Variants in DCTN1 observed in about 807,000 individuals in gnomAD.
DCTN1 encodes 150 kDa dynein-associated polypeptide.
In DCTN1, 61 loss-of-function variants were observed where a neutral mutation model predicts 161.2. The ratio of observed to expected loss-of-function variants is 0.38; its 90% CI spans 0.31 to 0.47. The LOEUF is 0.47. DCTN1 is among the 20% of genes least tolerant of loss of function. DCTN1 has a pLI of 0.99. For missense variants in DCTN1, 1,404 were observed against 1,623.7 expected (o/e 0.86, Z 2.33); for synonymous variants, 653 against 632.4 (o/e 1.03, Z -0.49).
rs1674435043 is a variant in DCTN1, at chr2:74,366,639, T to C, written c.2467-19A>G. 1 of 1,612,536 alleles carries C rather than the reference T, an allele frequency of 6.2e-7. No homozygotes were observed. The highest frequency in any genetic ancestry group is 1.3e-5 in the African/African-American group (1 of 74,904). On this transcript the variant is annotated intron_variant, in intron 21 of 31. Coordinates refer to ENST00000628224, the MANE Select transcript of DCTN1 (RefSeq NM_004082.5). ...CAGATACCTGTGTGCCAGGCCAGAG[T>C]CAGGAGTCAACCCTGGGTTCAGCAC...
Position 74,361,542 on chromosome 2 carries a change from G to C in DCTN1, c.3794C>G (p.Thr1265Ser). 6.2e-7 allele frequency: 1 copy of C among 1,614,160 alleles called. No individual in the cohort carries two copies. The highest frequency in any genetic ancestry group is 1.1e-5 in the South Asian group (1 of 91,082). Residue 1265 changes from threonine to serine, a missense_variant, in exon 32 of 32, where the codon ACC becomes AGC. Thr to Ser is a moderately conservative substitution (Grantham distance 58, BLOSUM62 1). This residue lies in a region of DCTN1 where 311 missense variants were observed against 298.9 expected (regional missense o/e 1.04). Coordinates refer to ENST00000628224, the MANE Select transcript of DCTN1 (RefSeq NM_004082.5). ...GFGQRHRLVLTQEQLHQLHSR... is the reference protein window; with the variant it reads ...GFGQRHRLVLSQEQLHQLHSR... ...GTGAAGCTGGTGCAGCTGCTCCTGG[G>C]TCAGCACCAGCCGGTGTCGCTGTCC...
In DCTN1 at chr2:74,367,418, A is replaced by G. The variant is rs1674503013; in HGVS notation, c.2187T>C (p.His729=). The G allele has an allele frequency of 6.2e-7, 1 of 1,614,092 alleles. No homozygotes were observed. Among genetic ancestry groups the G allele is most frequent in the Non-Finnish European group, 8.5e-7 (1 of 1,179,998 alleles). Residue 729 remains histidine (H), a splice_region_variant and synonymous_variant, in exon 19 of 32, where the codon CAT becomes CAC. Transcript: ENST00000628224. ...PLTKAIKYYQ[H]LYSIHLAEQP... is the part of the protein sequence containing the mutation. ...GTTCGGCAAGGTGGATGCTGTACAG[A>G]TGCTGAGGAGAGATAACAGACAGAC...
rs28706943 is a variant in DCTN1 at position 74,365,810 on chromosome 2, T to C, written c.2886+83A>G. 7.4e-3 allele frequency: 11,975 copies of C among 1,613,432 alleles called. 789 individuals carry two copies. The African/African-American group carries it at 0.14, about 19-fold the overall frequency. Reference sequence around the variant, plus strand: ...TCTCCCCTTAACTCCCAAGCCGTCTTGGTCCCGATCCCCAACACTCACTGC... The same window carrying C: ...TCTCCCCTTAACTCCCAAGCCGTCTCGGTCCCGATCCCCAACACTCACTGC... On this transcript the variant is annotated intron_variant, in intron 24 of 31. Transcript: ENST00000628224.
Position 74,368,142 on chromosome 2 carries a change from A to C in DCTN1, c.1855-11T>G, listed in dbSNP as rs1304539953. On this transcript the variant is annotated splice_polypyrimidine_tract_variant and intron_variant, in intron 16 of 31. Transcript: ENST00000628224. ...CCGGATCAGCTCTGCCTGTGGGAAA[A>C]AGCACCAGGAACCTGGGCCTCAGAG... The C allele has an allele frequency of 6.4e-7, 1 of 1,573,242 alleles. No individual in the cohort carries two copies. Among genetic ancestry groups the C allele is most frequent in the Non-Finnish European group, 8.6e-7 (1 of 1,158,696 alleles).
Position 74,363,361 on chromosome 2 carries a change from A to C in DCTN1, c.3278T>G (p.Leu1093Arg), listed in dbSNP as rs1375698021. 2 of 1,612,578 alleles carry C rather than the reference A, an allele frequency of 1.2e-6. No homozygotes were observed. Among genetic ancestry groups the C allele is most frequent in the Admixed American group, 3.3e-5 (2 of 59,866 alleles). The change falls in exon 28 of 32, where the codon CTG (leucine) becomes CGG (arginine). Residue 1093 changes from leucine to arginine, a missense_variant. Around this residue, in one of 9 missense-constraint regions of DCTN1, gnomAD observed 311 missense variants for 298.9 expected, o/e 1.04. Transcript: ENST00000628224. The stretch of plus-strand genomic sequence containing the variant: ...CCTCATGGCAGAGATCTGCTGAAGC[A>C]GCAGTGGTGAGTCCTTCACCAGCCC... ...GPGLVKDSPL[L>R]LQQISAMRLH...
At position 74,369,423 on chromosome 2, in the gene DCTN1, C is replaced by T. The variant is rs758555575; in HGVS notation, c.1461G>A (p.Glu487=). The stretch of plus-strand genomic sequence containing the variant: ...CCCGCGCGCCTGCCATGTCCAGCTG[C>T]TCCCGCAGCTCCAGTTCTGTCTCAC... ...NARETELELR[E]QLDMAGARVR... Residue 487 remains glutamate (E), a synonymous_variant, in exon 14 of 32, where the codon GAG becomes GAA. Coordinates refer to ENST00000628224, the MANE Select transcript of DCTN1 (RefSeq NM_004082.5). This position sits in a 1 kb window ranked among gnomAD's most constrained non-coding sequence, Gnocchi z 4.9. 3.1e-6 allele frequency: 5 copies of T among 1,614,224 alleles called. No individual in the cohort carries two copies. Among genetic ancestry groups the T allele is most frequent in the South Asian group, 1.1e-5 (1 of 91,086 alleles).
chr2:74,374,555 C>T (rs1007424130), intron 5 of DCTN1: 11 of 1,363,208 alleles, frequency 8.1e-6, no homozygotes, highest in Admixed American at 7.1e-5. Context: ...TGCAAACGGC[C>T]GCCGCTCTGA....
chr2:74,380,059 C>A lies in DCTN1; in HGVS notation c.-22G>T. 6.2e-7 allele frequency: 1 copy of A among 1,613,986 alleles called. No homozygotes were observed. The highest frequency in any genetic ancestry group is 1.1e-5 in the South Asian group (1 of 91,080). Reference sequence around the variant, plus strand: ...CCATGTTGCTCACCCGGCCTCTACCCCCTCCCCCAGCTGGCCAAAGACAGA... The same window carrying A: ...CCATGTTGCTCACCCGGCCTCTACCACCTCCCCCAGCTGGCCAAAGACAGA... On this transcript the variant is annotated 5_prime_UTR_variant, in exon 1 of 32. Transcript: ENST00000628224.
chr2:74,364,452 G>A, intron 26 of DCTN1: 1 of 168,756 alleles, frequency 5.9e-6, no homozygotes, highest in South Asian at 1.4e-4. Context: ...ACAAACTATA[G>A]GGCAGAGGAG....
intron 5 of DCTN1, chr2:74,374,805 G>C: frequency 1.0e-6 from 1 of 974,318 alleles, no homozygotes; most frequent in Non-Finnish European, 1.2e-6. Context: ...CATGCGCAGA[G>C]CTTGTCCTGC....
intron 30 of DCTN1, 79 bp from the exon 31 acceptor site, chr2:74,362,220 G>C (rs772439463): frequency 6.9e-5 from 89 of 1,296,346 alleles, no homozygotes; most frequent in Non-Finnish European, 8.8e-5. Context: ...GTTTCACAGA[G>C]ACACTAATAC....
In DCTN1 at chr2:74,367,976, A is replaced by G; in HGVS notation, c.2010T>C (p.Tyr670=). 1 of 1,614,236 alleles carries G rather than the reference A, an allele frequency of 6.2e-7. No individual in the cohort carries two copies. The stretch of plus-strand genomic sequence containing the variant: ...GGGAGTCAGGAGTCACTTACTGCTC[A>G]TAGCGGTGTAGCGTGGCCTGCAGCA... ...LSLLQATLHR[Y]EHALSQCSVD... Residue 670 remains tyrosine, a synonymous_variant, in exon 17 of 32, where the codon TAT becomes TAC. Coordinates refer to ENST00000628224, the MANE Select transcript of DCTN1 (RefSeq NM_004082.5).
At chr2:74,367,549 G>T in intron 18 of DCTN1, 129 bp from the exon 19 acceptor site, 1 of 1,473,768 alleles carries the variant, frequency 6.8e-7, no homozygotes, top group Non-Finnish European at 9.4e-7. Flanking sequence ...CCCTCAAGCA[G>T]CTGCATCATA....
intron 8 of DCTN1, 140 bp from the exon 9 acceptor site, chr2:74,371,316 T>A: frequency 6.3e-7 from 1 of 1,576,700 alleles, no homozygotes; most frequent in Non-Finnish European, 8.6e-7. Context: ...TAAGAACATC[T>A]GAGAGGAAAC....
intron 7 of DCTN1, among the ~76,000 whole-genome samples, chr2:74,372,384 A>T (rs1674930965): frequency 6.6e-6 from 1 of 152,300 alleles, no homozygotes; most frequent in East Asian, 1.9e-4. Context: ...ATCTGGCAAC[A>T]CTATCCATGC....
rs78785770 is a variant in DCTN1 at position 74,366,078 on chromosome 2, G to A, written c.2761-60C>T. 466 of 1,613,292 alleles carry A rather than the reference G, an allele frequency of 2.9e-4. 3 individuals carry two copies. The East Asian group carries it at 0.01, about 35-fold the overall frequency. On this transcript the variant is annotated intron_variant, in intron 23 of 31. Transcript: ENST00000628224. ...GGTGGAGAGAAGAGATCATCACTGT[G>A]CTCCTTACAGAGAGATCCAGTTACA...
At chr2:74,366,188 C>A in intron 23 of DCTN1, 56 bp downstream of exon 23, 1 of 1,613,294 alleles carries the variant, frequency 6.2e-7, no homozygotes, top group Non-Finnish European at 8.5e-7. Flanking sequence ...AGCAGTAGCT[C>A]TGCAAGTCTT....
Position 74,369,818 on chromosome 2 carries a change from A to G in DCTN1, c.1392+147T>C, listed in dbSNP as rs1674701743. 4 of 428,978 alleles carry G rather than the reference A, an allele frequency of 9.3e-6. No individual in the cohort carries two copies. The highest frequency in any genetic ancestry group is 1.1e-5 in the Non-Finnish European group (3 of 263,008). 26.6% of individuals were successfully genotyped at this position (428,978 alleles called of 1,614,324 possible). A position where few individuals can be genotyped will look rare whatever the true frequency, so the allele number is the denominator to read the frequency against. ...CAACAGAGCGAGATTCCATCTCAGA[A>G]AAAAAAAAAAAAAAAAAAGGCAGGG... On this transcript the variant is annotated intron_variant, in intron 13 of 31. Transcript: ENST00000628224. The surrounding 1 kb of genome is among the most constrained non-coding windows in gnomAD (Gnocchi z 4.9).
chr2:74,373,929 AG>A (rs1320570633), intron 6 of DCTN1, among the ~76,000 whole-genome samples: 1 of 152,204 alleles, frequency 6.6e-6, no homozygotes, highest in Admixed American at 6.5e-5. Context: ...GGATACTGGG[AG>A]AACAACCAAG....
Sources: allele counts gnomAD v4.1 joint callset (sites outside exome capture counted in the v4.1 genomes callset), GRCh38; gene constraint gnomAD v4.1.1; regional missense constraint gnomAD v4.1.1; non-coding constraint Gnocchi (gnomAD v3.1); transcripts MANE v1.5; gene names NCBI Gene and HGNC (gene_info 2026-07-23, HGNC 2026-07-21).